Variants in CCDC171 observed in about 807,000 individuals in gnomAD.
CCDC171 encodes the protein coiled-coil domain-containing protein 171.
Under a neutral mutation model 168.2 loss-of-function variants are expected in CCDC171, and 177 were observed. That is an observed-to-expected ratio of 1.05 (90% CI 0.93 to 1.19). The LOEUF is 1.19. CCDC171 is among the 50% of genes most tolerant of loss of function. CCDC171 has a pLI of 0.00. For synonymous variants in CCDC171, 687 were observed against 540.8 expected (o/e 1.27, Z -3.75); for missense variants, 1,991 against 1,539.0 (o/e 1.29, Z -4.91).
chr9:16,045,440 C>G (rs778961642), intron 1 of CCDC171, among the ~76,000 whole-genome samples: 4 of 152,176 alleles, frequency 2.6e-5, no homozygotes, highest in Non-Finnish European at 4.4e-5. Context: ...CAGCCCTGAC[C>G]TCTACCTGCT....
At chr9:15,713,913 C>A (rs997604538) in intron 11 of CCDC171, among the ~76,000 whole-genome samples, 1 of 150,170 alleles carries the variant, frequency 6.7e-6, no homozygotes, top group Non-Finnish European at 1.5e-5. Context: ...TGTGGTAGGG[C>A]GGCAACAAAG....
intron 24 of CCDC171, among the ~76,000 whole-genome samples, chr9:15,900,734 G>A (rs967546608): frequency 6.6e-6 from 1 of 152,170 alleles, no homozygotes; most frequent in Non-Finnish European, 1.5e-5. Flanking sequence ...AAAGAAGTAG[G>A]ACATACATGC....
Position 16,052,916 on chromosome 9 carries a change from C to T in CCDC171, n.90-7730C>T, listed in dbSNP as rs369543214. On this transcript the variant is annotated intron_variant and non_coding_transcript_variant, in intron 1 of 1. Transcript: ENST00000478913. ...TTCCAGATTCCCTTTTCCCATCACCCGGCTCGCCGTTCAGCCACATTTAAG... is the reference window on the plus strand; with the variant it reads ...TTCCAGATTCCCTTTTCCCATCACCTGGCTCGCCGTTCAGCCACATTTAAG... Among the ~76,000 whole-genome samples, 8 of 152,158 alleles carry T rather than the reference C, an allele frequency of 5.3e-5. 1 individual carries two copies. In the East Asian group the frequency reaches 9.7e-4, roughly 18 times the overall value.
At position 15,874,577 on chromosome 9, in the gene CCDC171, G is replaced by T. The variant is rs896927475; in HGVS notation, c.3514G>T (p.Asp1172Tyr). 1 of 1,608,628 alleles carries T rather than the reference G, an allele frequency of 6.2e-7. No individual in the cohort carries two copies. The highest frequency in any genetic ancestry group is 2.3e-5 in the East Asian group (1 of 44,434). Reference sequence around the variant, plus strand: ...GTCATGGTCTGCGGCAAGTAGGAATGACTTCACCCTACAGCTACCCAAACT... The same window carrying T: ...GTCATGGTCTGCGGCAAGTAGGAATTACTTCACCCTACAGCTACCCAAACT... ...SLSWSAASRNDFTLQLPKLHL... is the reference protein window; with the variant it reads ...SLSWSAASRNYFTLQLPKLHL... The change falls in exon 24 of 26, where the codon GAC becomes TAC. Residue 1172 changes from aspartate (D) to tyrosine (Y), a missense_variant. By Grantham distance (160) the Asp-to-Tyr change is radical. Transcript: ENST00000380701.
At chr9:15,682,216 G>C (rs567508238) in intron 10 of CCDC171, among the ~76,000 whole-genome samples, 1 of 152,158 alleles carries the variant, frequency 6.6e-6, no homozygotes, top group Admixed American at 6.5e-5. Flanking sequence ...GTATGTGTTA[G>C]TACAGCATAG....
intron 7 of CCDC171, among the ~76,000 whole-genome samples, chr9:15,644,942 TCTTCAAGAGGGTCCCTGACCC>T (rs2046918269): frequency 6.6e-6 from 1 of 152,184 alleles, no homozygotes; most frequent in Non-Finnish European, 1.5e-5. Flanking sequence ...ACACACTACC[TCTTCAAGAGGGTCCCTGACCC>T]CTGAGTAGCC....
chr9:15,649,556 AAAAC>A (rs764089212), intron 7 of CCDC171, among the ~76,000 whole-genome samples: 25 of 152,240 alleles, frequency 1.6e-4, no homozygotes, highest in Middle Eastern at 6.3e-3. Context: ...TTACAAGAAA[AAAAC>A]AAACAACCCC....
chr9:15,871,814 A>G (rs966676920), intron 23 of CCDC171, among the ~76,000 whole-genome samples: 2 of 151,554 alleles, frequency 1.3e-5, no homozygotes, highest in African/African-American at 4.8e-5. Context: ...GTTTCTTGTC[A>G]TCTTTCTTTT....
At chr9:15,651,524 T>C (rs1231088303) in intron 7 of CCDC171, among the ~76,000 whole-genome samples, 1 of 152,126 alleles carries the variant, frequency 6.6e-6, no homozygotes, top group Non-Finnish European at 1.5e-5. Context: ...TCCAAAGTGC[T>C]AGGATTACAG....
intron 2 of CCDC171, among the ~76,000 whole-genome samples, chr9:15,570,381 G>C (rs2040129177): frequency 2.6e-5 from 4 of 151,352 alleles, no homozygotes; most frequent in Admixed American, 2.6e-4. Context: ...AGTAGACAAT[G>C]TTAGTTTTTT....
chr9:15,692,862 C>G lies in CCDC171; in HGVS notation c.1216-2373C>G, dbSNP rs376114413. ...CTTTTAAAAATGATTCTAGGCCGGG[C>G]ATGGTGGCTCACCCCTGTAATCCCA... On this transcript the variant is annotated intron_variant, in intron 10 of 25. Transcript: ENST00000380701. 5.3e-5 allele frequency among the ~76,000 whole-genome samples: 8 copies of G among 149,858 alleles called. No individual in the cohort carries two copies. In the South Asian group the frequency reaches 1.6e-3, roughly 29 times the overall value.
chr9:15,566,715 G>A (rs1040229714), intron 2 of CCDC171, among the ~76,000 whole-genome samples: 10 of 152,168 alleles, frequency 6.6e-5, no homozygotes, highest in African/African-American at 2.4e-4. Flanking sequence ...TATAGGAGTT[G>A]TGCTTTTGGT....
At chr9:16,015,396 T>G (rs370999631) in intron 3 of CCDC171, among the ~76,000 whole-genome samples, 25 of 152,284 alleles carry the variant, frequency 1.6e-4, no homozygotes, top group African/African-American at 5.8e-4. Flanking sequence ...GGTTTAGTCT[T>G]CTATGCAGAC....
intron 7 of CCDC171, among the ~76,000 whole-genome samples, chr9:15,630,402 A>T (rs1315036356): frequency 3.3e-5 from 5 of 152,290 alleles, no homozygotes; most frequent in Non-Finnish European, 4.4e-5. Flanking sequence ...CAGACTTTAA[A>T]CCAACAAAGA....
rs145794496 is a variant in CCDC171, at chr9:16,005,871, T to C, written n.369-14718T>C. Among the ~76,000 whole-genome samples the C allele has an allele frequency of 3.3e-5, 5 of 152,258 alleles. No individual in the cohort carries two copies. The East Asian group carries it at 9.7e-4, about 29-fold the overall frequency. ...TACCTAAGAAAGTCACATGGTAACT[T>C]TATGTTTAACCATTTGAGAAAGTGC... On this transcript the variant is annotated intron_variant and non_coding_transcript_variant, in intron 3 of 9. Coordinates refer to the CCDC171 transcript ENST00000486641.
chr9:15,630,866 C>G (rs1465583121), intron 7 of CCDC171, among the ~76,000 whole-genome samples: 6 of 152,188 alleles, frequency 3.9e-5, no homozygotes, highest in Non-Finnish European at 8.8e-5. Context: ...GATTAAGAAA[C>G]TCACTCAAAA....
intron 3 of CCDC171, among the ~76,000 whole-genome samples, chr9:15,982,481 T>G (rs2132873606): frequency 6.6e-6 from 1 of 152,206 alleles, no homozygotes. Flanking sequence ...ATGGAGTAGT[T>G]TGATGATGAG....
At chr9:16,016,301 A>G (rs1458888198) in intron 3 of CCDC171, among the ~76,000 whole-genome samples, 11 of 152,132 alleles carry the variant, frequency 7.2e-5, no homozygotes. Context: ...AGAGACTTCT[A>G]TCTGGAAGGG....
In CCDC171 at chr9:15,745,616, G is replaced by A. The variant is rs568264542; in HGVS notation, c.2656G>A (p.Val886Ile). ...IISSMAELQD[V>I]IGKADPNSRI... is the part of the protein sequence containing the mutation. ...CAGTTCTATGGCTGAATTACAAGAC[G>A]TCATTGGTAAAGCAGGTATGGTTCC... Residue 886 changes from valine (V) to isoleucine (I), a missense_variant, in exon 18 of 26, where the codon GTC (valine) becomes ATC (isoleucine). Val to Ile is a conservative substitution (Grantham distance 29). Transcript: ENST00000380701. 111 of 1,552,630 alleles carry A rather than the reference G, an allele frequency of 7.1e-5. 1 individual carries two copies. In the South Asian group the frequency reaches 1.2e-3, roughly 17 times the overall value.
Sources: gnomAD v4.1 joint callset for allele counts (sites outside exome capture counted in the v4.1 genomes callset) on GRCh38, gnomAD v4.1.1 for gene constraint, MANE v1.5 for transcripts, NCBI Gene and HGNC (gene_info 2026-07-23, HGNC 2026-07-21) for gene names.